The following DMD variants were observed in gnomAD, a reference collection of about 807,000 sequenced individuals.
DMD encodes dystrophin, also known as mutant dystrophin.
Under a neutral mutation model 330.1 loss-of-function variants are expected in DMD, and 63 were observed. The ratio of observed to expected loss-of-function variants is 0.19; its 90% CI spans 0.16 to 0.24. The LOEUF is 0.24. Ranked by LOEUF, DMD falls within the 10% of genes least tolerant of loss-of-function variation. The pLI is 1.00. For synonymous variants in DMD, 1,223 were observed against 959.8 expected (o/e 1.27, Z -5.07); for missense variants, 3,344 against 2,684.1 (o/e 1.25, Z -5.43).
rs764375860 is a variant in DMD at position 32,875,158 on chromosome X, C to T, written c.94-25338G>A. 3.6e-5 allele frequency among the ~76,000 whole-genome samples: 4 copies of T among 112,319 alleles called. No individual in the cohort carries two copies. The East Asian group carries it at 8.4e-4, about 24-fold the overall frequency. On this transcript the variant is annotated intron_variant, in intron 2 of 78. Coordinates refer to ENST00000357033, the MANE Select transcript of DMD (RefSeq NM_004006.3). ...AGCTCCCTCTGGAATGGAGGCTCTG[C>T]CTTGAATCACAGCCCTCTCGATCGA...
rs1369460201 is a variant in DMD at position 32,809,617 on chromosome X, A to G, written c.531-6T>C. ...TCCAGTCAAATAGGTCTGGCCTAAA[A>G]CACATACACATACACACATACACAA... is the stretch of plus-strand genomic sequence containing the variant. On this transcript the variant is annotated splice_region_variant and splice_polypyrimidine_tract_variant and intron_variant, in intron 6 of 78. Transcript: ENST00000357033. 1 of 1,135,175 alleles carries G rather than the reference A, an allele frequency of 8.8e-7. No homozygotes were observed. Among genetic ancestry groups the G allele is most frequent in the Non-Finnish European group, 1.2e-6 (1 of 826,445 alleles). 93.6% of individuals were successfully genotyped at this position (1,135,175 alleles called of 1,213,427 possible).
intron 47 of DMD, among the ~76,000 whole-genome samples, chrX:31,907,346 T>C (rs1248103687): frequency 8.9e-6 from 1 of 111,960 alleles, no homozygotes; most frequent in Non-Finnish European, 1.9e-5. Flanking sequence ...AACAGCATGG[T>C]ACTGGTACCA....
intron 7 of DMD, among the ~76,000 whole-genome samples, chrX:32,732,155 G>T: frequency 9.0e-6 from 1 of 111,370 alleles, no homozygotes; most frequent in Non-Finnish European, 1.9e-5. Context: ...TGGAAGAAAG[G>T]GTATCAGTGA....
At chrX:31,971,711 G>A (rs2095401115) in intron 44 of DMD, among the ~76,000 whole-genome samples, 1 of 111,826 alleles carries the variant, frequency 8.9e-6, no homozygotes, top group Non-Finnish European at 1.9e-5. Flanking sequence ...AAAATTAAAT[G>A]TAAAATCTCA....
chrX:31,731,119 G>C (rs2086474982), intron 51 of DMD, among the ~76,000 whole-genome samples: 2 of 111,590 alleles, frequency 1.8e-5, no homozygotes, highest in Admixed American at 1.9e-4. Context: ...TCTCCTCTCT[G>C]TATTGAAAAA....
intron 11 of DMD, among the ~76,000 whole-genome samples, chrX:32,619,969 A>T (rs1400452753): frequency 2.7e-5 from 3 of 111,328 alleles, no homozygotes; most frequent in Non-Finnish European, 5.7e-5. Flanking sequence ...ACAGAAGAGG[A>T]AGAGAAAAGT....
chrX:32,895,951 G>A (rs2085677453), intron 2 of DMD, among the ~76,000 whole-genome samples: 1 of 110,359 alleles, frequency 9.1e-6, no homozygotes, highest in African/African-American at 3.3e-5. Flanking sequence ...CAGTCTAGAG[G>A]AAGAGATCAT....
intron 52 of DMD, among the ~76,000 whole-genome samples, chrX:31,685,868 T>TTTTG (rs1015368947): frequency 1.2e-4 from 13 of 112,468 alleles, no homozygotes; most frequent in South Asian, 3.6e-4. Flanking sequence ...GAGGCATGTT[T>TTTTG]TTTGTTTGTT....
rs145993057 is a variant in DMD, at chrX:31,932,116, T to C, written c.6726A>G (p.Lys2242=). The C allele has an allele frequency of 8.3e-6, 10 of 1,209,257 alleles. No homozygotes were observed. Among genetic ancestry groups the C allele is most frequent in the Non-Finnish European group, 1.1e-5 (10 of 894,637 alleles). The part of the protein sequence containing the change: ...NIASIPLEPG[K]EQQLKEKLEQ... Reference sequence around the variant, plus strand: ...CAAGCTTTTCTTTTAGTTGCTGCTCTTTTCCAGGTTCAAGTGGGATACTAG... The same window carrying C: ...CAAGCTTTTCTTTTAGTTGCTGCTCCTTTCCAGGTTCAAGTGGGATACTAG... The change falls in exon 46 of 79, where the codon AAA becomes AAG. Residue 2242 remains lysine, a synonymous_variant. Transcript: ENST00000357033.
intron 49 of DMD, among the ~76,000 whole-genome samples, chrX:31,826,339 C>T (rs763518331): frequency 2.7e-5 from 3 of 112,260 alleles, no homozygotes; most frequent in Non-Finnish European, 5.6e-5. Context: ...GTATAATTTC[C>T]AATCTTTTAT....
intron 47 of DMD, among the ~76,000 whole-genome samples, chrX:31,893,089 G>C (rs2094281507): frequency 8.9e-6 from 1 of 111,975 alleles, no homozygotes; most frequent in African/African-American, 3.2e-5. Context: ...GATGTCAAAA[G>C]TCATGTGAGT....
chrX:32,363,340 G>C (rs188805276), intron 36 of DMD, among the ~76,000 whole-genome samples: 2 of 111,787 alleles, frequency 1.8e-5, no homozygotes, highest in East Asian at 5.6e-4. Flanking sequence ...TTTAATAGTT[G>C]TGGAATGAAC....
chrX:33,008,540 C>A (rs991347632), intron 2 of DMD, among the ~76,000 whole-genome samples: 8 of 109,894 alleles, frequency 7.3e-5, no homozygotes, highest in Non-Finnish European at 1.5e-4. Context: ...CTCTGTAGGT[C>A]AATTGGAAAT....
At chrX:32,556,027 A>G (rs1049542729) in intron 16 of DMD, among the ~76,000 whole-genome samples, 1 of 112,193 alleles carries the variant, frequency 8.9e-6, no homozygotes, top group Non-Finnish European at 1.9e-5. Context: ...GTCAGAGTAA[A>G]TAAACAGCCT....
At chrX:32,604,771 A>G (rs2149307599) in intron 12 of DMD, among the ~76,000 whole-genome samples, 1 of 107,050 alleles carries the variant, frequency 9.3e-6, no homozygotes, top group South Asian at 4.2e-4. Flanking sequence ...GATCAAGCTG[A>G]GAACCAAATC....
chrX:31,775,528 G>T (rs1603464287), intron 50 of DMD, among the ~76,000 whole-genome samples: 1 of 111,202 alleles, frequency 9.0e-6, no homozygotes, highest in African/African-American at 3.3e-5. Flanking sequence ...GCCTAATCAA[G>T]TTTATAGACA....
intron 7 of DMD, among the ~76,000 whole-genome samples, chrX:32,748,379 A>T (rs1359807948): frequency 9.1e-6 from 1 of 110,269 alleles, no homozygotes; most frequent in Non-Finnish European, 1.9e-5. Flanking sequence ...AGAAAAGAAA[A>T]AGAAAAAAGG....
chrX:32,657,236 G>A (rs1463085198), intron 9 of DMD, among the ~76,000 whole-genome samples: 4 of 110,883 alleles, frequency 3.6e-5, no homozygotes, highest in African/African-American at 1.3e-4. Flanking sequence ...CACTGTTATG[G>A]CAAATTCTCC....
chrX:32,746,833 T>C (rs1347647885), intron 7 of DMD, among the ~76,000 whole-genome samples: 1 of 111,395 alleles, frequency 9.0e-6, no homozygotes, highest in African/African-American at 3.3e-5. Flanking sequence ...TTTGTATCTG[T>C]TAACTAGCTT....
Sources: allele counts gnomAD v4.1 joint callset (sites outside exome capture counted in the v4.1 genomes callset), GRCh38; gene constraint gnomAD v4.1.1; transcripts MANE v1.5; gene names NCBI Gene and HGNC (gene_info 2026-07-23, HGNC 2026-07-21).